PTPRQ: variants seen among roughly 807,000 people sequenced by gnomAD.
PTPRQ encodes protein tyrosine phosphatase receptor type Q, also known as phosphatidylinositol phosphatase PTPRQ.
Under a neutral mutation model 246.0 loss-of-function variants are expected in PTPRQ, and 199 were observed. The ratio of observed to expected loss-of-function variants is 0.81; its 90% CI spans 0.72 to 0.91. The LOEUF (loss-of-function observed/expected upper bound fraction) is 0.91, where lower values mean the gene tolerates loss of function less well. Among genes scored for constraint, PTPRQ ranks in the 40% least tolerant of loss-of-function variants. The pLI, the probability that PTPRQ is intolerant of heterozygous loss-of-function variation, is 0.00. For synonymous variants in PTPRQ, 869 were observed against 853.2 expected (o/e 1.02, Z -0.32); for missense variants, 2,624 against 2,528.4 (o/e 1.04, Z -0.81).
At position 80,509,189 on chromosome 12, in the gene PTPRQ, A is replaced by T. The variant is rs145098158; in HGVS notation, c.2558-1134A>T. Among the ~76,000 whole-genome samples, 35 of 152,176 alleles carry T rather than the reference A, an allele frequency of 2.3e-4. 1 individual carries two copies. The highest frequency in any genetic ancestry group is 8.4e-4 in the African/African-American group (35 of 41,546). On this transcript the variant is annotated intron_variant, in intron 16 of 44. Transcript: ENST00000644991. ...AATACCAAATACAGCTATCACTATT[A>T]TTCCTTATAACTTGTCTCATAAACT...
At chr12:80,617,848 T>C (rs926904660) in intron 30 of PTPRQ, among the ~76,000 whole-genome samples, 3 of 151,460 alleles carry the variant, frequency 2.0e-5, no homozygotes, top group Admixed American at 1.3e-4. Context: ...TAATGTCCAA[T>C]GCTGGATTCC....
Position 80,622,074 on chromosome 12 carries a change from G to T in PTPRQ, c.5626G>T (p.Ala1876Ser). ...TTTATTTTATAGATTTAAATTTAGAGCTACAAATATTATGGGACAATTTAC... is the reference window on the plus strand; with the variant it reads ...TTTATTTTATAGATTTAAATTTAGATCTACAAATATTATGGGACAATTTAC... ...PKKQYLFKFRATNIMGQFTDS... is the reference protein window; with the variant it reads ...PKKQYLFKFRSTNIMGQFTDS... The change falls in exon 33 of 45, where the codon GCT becomes TCT. Residue 1876 changes from alanine (A) to serine (S), a missense_variant. Ala to Ser is a moderately conservative substitution (Grantham distance 99, BLOSUM62 1). Transcript: ENST00000644991. The T allele has an allele frequency of 7.0e-7, 1 of 1,423,700 alleles. No individual in the cohort carries two copies. Among genetic ancestry groups the T allele is most frequent in the Non-Finnish European group, 9.3e-7 (1 of 1,079,756 alleles). The allele number at this position is 1,423,700 out of a possible 1,614,324, so 88.2% of individuals were successfully genotyped here.
At chr12:80,491,990 A>G (rs1320794563) in intron 9 of PTPRQ, among the ~76,000 whole-genome samples, 1 of 151,940 alleles carries the variant, frequency 6.6e-6, no homozygotes, top group Non-Finnish European at 1.5e-5. Context: ...TTTTAAAAAA[A>G]GGGGTTTTGG....
At chr12:80,609,494 T>A (rs577342557) in intron 27 of PTPRQ, among the ~76,000 whole-genome samples, 1 of 150,758 alleles carries the variant, frequency 6.6e-6, no homozygotes, top group East Asian at 1.9e-4. Flanking sequence ...TTGAATTTTC[T>A]CATGGTTATC....
chr12:80,601,632 G>C (rs1041736879), intron 26 of PTPRQ, among the ~76,000 whole-genome samples: 1 of 151,792 alleles, frequency 6.6e-6, no homozygotes, highest in African/African-American at 2.4e-5. Context: ...GGTTCTTACA[G>C]AGCTGGAAGT....
intron 17 of PTPRQ, among the ~76,000 whole-genome samples, chr12:80,517,091 A>G (rs1022231458): frequency 3.3e-5 from 5 of 152,100 alleles, no homozygotes; most frequent in African/African-American, 1.2e-4. Flanking sequence ...TTTCTGAATC[A>G]CTCTGAAGCT....
chr12:80,648,579 G>T (rs1336932519), intron 35 of PTPRQ, among the ~76,000 whole-genome samples: 1 of 151,910 alleles, frequency 6.6e-6, no homozygotes, highest in African/African-American at 2.4e-5. Flanking sequence ...TAAATACCAT[G>T]CAATATATTA....
At chr12:80,523,615 A>G (rs372518206) in intron 17 of PTPRQ, among the ~76,000 whole-genome samples, 2 of 152,024 alleles carry the variant, frequency 1.3e-5, no homozygotes, top group African/African-American at 2.4e-5. Context: ...CCTTCATTTC[A>G]TTATGTACCC....
rs141341390 is a variant in PTPRQ, at chr12:80,457,178, T to C, written c.391-397T>C. Among the ~76,000 whole-genome samples the C allele has an allele frequency of 3.3e-5, 5 of 152,246 alleles. No individual in the cohort carries two copies. In the East Asian group the frequency reaches 9.6e-4, roughly 29 times the overall value. ...TTGAGTATTTGTTTGCCTGATTAGA[T>C]TGTGAACTCTAAATTAAGGTACCAT... On this transcript the variant is annotated intron_variant, in intron 3 of 44. Transcript: ENST00000644991.
intron 17 of PTPRQ, among the ~76,000 whole-genome samples, chr12:80,513,012 C>A (rs1895169081): frequency 6.6e-6 from 1 of 152,048 alleles, no homozygotes; most frequent in Non-Finnish European, 1.5e-5. Context: ...GCTCCGACCC[C>A]ATGGCAGGGT....
chr12:80,495,194 C>T lies in PTPRQ; in HGVS notation c.1705C>T (p.Pro569Ser), dbSNP rs1166720830. Residue 569 changes from proline to serine, a missense_variant and splice_region_variant, in exon 12 of 45, where the codon CCA becomes TCA. Pro to Ser is a moderately conservative substitution (Grantham distance 74, BLOSUM62 -1). Coordinates refer to ENST00000644991, the MANE Select transcript of PTPRQ (RefSeq NM_001145026.2). ...ATATGTTCATTCTTCTTTTTAAGTG[C>T]CAAGCTCCATTAAAATTATAAACTA... is the stretch of plus-strand genomic sequence containing the variant. ...VLSVRTRQQV[P>S]SSIKIINYKN... 1 of 1,543,466 alleles carries T rather than the reference C, an allele frequency of 6.5e-7. No homozygotes were observed. Among genetic ancestry groups the T allele is most frequent in the East Asian group, 2.5e-5 (1 of 40,740 alleles).
chr12:80,450,377 C>T (rs1892715752), intron 3 of PTPRQ, among the ~76,000 whole-genome samples: 1 of 152,186 alleles, frequency 6.6e-6, no homozygotes, highest in South Asian at 2.1e-4. Context: ...ATTTCCTTCT[C>T]CTGGCTAATT....
intron 17 of PTPRQ, among the ~76,000 whole-genome samples, chr12:80,529,571 T>A (rs995442429): frequency 6.6e-6 from 1 of 152,140 alleles, no homozygotes; most frequent in Non-Finnish European, 1.5e-5. Flanking sequence ...ATGGACTTGG[T>A]GTTGTAAGAG....
intron 6 of PTPRQ, among the ~76,000 whole-genome samples, 176 bp from the exon 7 acceptor site, chr12:80,468,534 G>A (rs939594340): frequency 1.3e-5 from 2 of 152,086 alleles, no homozygotes; most frequent in Admixed American, 6.6e-5. Flanking sequence ...TCCAGCATGT[G>A]TTATTCACAA....
intron 29 of PTPRQ, 34 bp downstream of exon 29, chr12:80,613,870 T>G (rs1182669978): frequency 6.8e-7 from 1 of 1,462,798 alleles, no homozygotes; most frequent in South Asian, 1.5e-5. Flanking sequence ...ATTACCCAAA[T>G]GACAATGTCA....
At position 80,653,179 on chromosome 12, in the gene PTPRQ, G is replaced by T. The variant is rs111807299; in HGVS notation, c.6115+345G>T. Reference sequence around the variant, plus strand: ...AAAGGGAATATTCTCACTTAGCTTTGTGCATTAGTTTCCCTTCACAGCATA... The same window carrying T: ...AAAGGGAATATTCTCACTTAGCTTTTTGCATTAGTTTCCCTTCACAGCATA... On this transcript the variant is annotated intron_variant, in intron 38 of 44. Transcript: ENST00000644991. Among the ~76,000 whole-genome samples the T allele has an allele frequency of 2.3e-3, 345 of 152,192 alleles. 2 individuals carry two copies. The highest frequency in any genetic ancestry group is 8.0e-3 in the African/African-American group (333 of 41,540).
intron 25 of PTPRQ, among the ~76,000 whole-genome samples, chr12:80,574,306 A>C (rs116677754): frequency 0.02 from 3,103 of 152,276 alleles, 101 homozygotes; most frequent in African/African-American, 0.07. Context: ...CTGGTGGACA[A>C]CAAAGTACGT....
chr12:80,601,894 T>C (rs1310585135), intron 26 of PTPRQ, among the ~76,000 whole-genome samples: 1 of 151,816 alleles, frequency 6.6e-6, no homozygotes, highest in Non-Finnish European at 1.5e-5. Flanking sequence ...ACCATAAAGC[T>C]AGCAGTAAAA....
intron 14 of PTPRQ, among the ~76,000 whole-genome samples, chr12:80,499,190 A>T (rs1894722178): frequency 6.6e-6 from 1 of 151,998 alleles, no homozygotes; most frequent in African/African-American, 2.4e-5. Context: ...GATGGCTAAA[A>T]AAATAAAGAG....
Sources: allele counts gnomAD v4.1 joint callset (sites outside exome capture counted in the v4.1 genomes callset), GRCh38; gene constraint gnomAD v4.1.1; transcripts MANE v1.5; gene names NCBI Gene and HGNC (gene_info 2026-07-23, HGNC 2026-07-21).